IGLON5: variants seen among roughly 807,000 people sequenced by gnomAD.
The protein encoded by IGLON5 is Ig-like domain-containing protein ENSP00000270642.
Under a neutral mutation model 38.2 loss-of-function variants are expected in IGLON5, and 16 were observed. The observed-to-expected ratio is 0.42, with a 90% CI of 0.28 to 0.64. The LOEUF (loss-of-function observed/expected upper bound fraction) is 0.64. IGLON5 is among the 30% of genes least tolerant of loss of function. The pLI, the probability that IGLON5 is intolerant of heterozygous loss-of-function variation, is 0.23. For synonymous variants in IGLON5, 207 were observed against 216.4 expected (o/e 0.96, Z 0.38); for missense variants, 366 against 483.4 (o/e 0.76, Z 2.28).
At chr19:51,318,028 G>A (rs552745291) in intron 1 of IGLON5, among the ~76,000 whole-genome samples, 1 of 152,266 alleles carries the variant, frequency 6.6e-6, no homozygotes, top group South Asian at 2.1e-4. Flanking sequence ...ACCCTGGGGG[G>A]ACACAGCTAA....
Position 51,327,941 on chromosome 19 carries a change from T to TGGGCGGGGCCGGGGGCGGGGCC in IGLON5, c.922+55_922+56insGGGCGGGGCCGGGGGCGGGGCC. ...AGGTGGGCGGGGCCGGGGGCGGGGC[T>TGGGCGGGGCCGGGGGCGGGGCC]AGGGAAGTGGAGACGCCGGGACCGC... On this transcript the variant is annotated intron_variant, in intron 7 of 7. Coordinates refer to ENST00000270642, the MANE Select transcript of IGLON5 (RefSeq NM_001101372.3). The surrounding 1 kb of genome is among the most constrained non-coding windows in gnomAD (Gnocchi z 7.1). The TGGGCGGGGCCGGGGGCGGGGCC allele has an allele frequency of 6.9e-7, 1 of 1,441,804 alleles. No homozygotes were observed. Among genetic ancestry groups the TGGGCGGGGCCGGGGGCGGGGCC allele is most frequent in the African/African-American group, 1.5e-5 (1 of 68,166 alleles). 89.3% of individuals were successfully genotyped at this position (1,441,804 alleles called of 1,614,324 possible).
At chr19:51,311,955 G>C (rs1984775337) in intron 1 of IGLON5, 29 bp downstream of exon 1, 2 of 1,230,170 alleles carry the variant, frequency 1.6e-6, no homozygotes, top group African/African-American at 3.2e-5. Flanking sequence ...CGGGGGGCTC[G>C]GCCGGGACGC....
chr19:51,330,782 T>TA lies in IGLON5; in HGVS notation c.*2024dup, dbSNP rs1405085382. ...ACTGTGAAGGGCAGAGTGGAAACCT[T>TA]AGAGAAACTGAGTCCATGATTATAT... On this transcript the variant is annotated 3_prime_UTR_variant, in exon 8 of 8. Coordinates refer to ENST00000270642, the MANE Select transcript of IGLON5 (RefSeq NM_001101372.3). Among the ~76,000 whole-genome samples, 3 of 150,348 alleles carry TA rather than the reference T, an allele frequency of 2.0e-5. No homozygotes were observed. Among genetic ancestry groups the TA allele is most frequent in the African/African-American group, 5.0e-5 (2 of 39,984 alleles).
rs1325508011 is a variant in IGLON5 at position 51,327,742 on chromosome 19, G to A, written c.778G>A (p.Gly260Ser). Reference protein sequence around the residue: ...WYKDDRLLSSGTAEGLKVQTE... With the variant: ...WYKDDRLLSSSTAEGLKVQTE... ...CCGGATCCCTGGCAGGCTGAGCAGC[G>A]GCACGGCCGAAGGCCTGAAGGTGCA... The change falls in exon 7 of 8, where the codon GGC (glycine) becomes AGC (serine). Residue 260 changes from glycine (G) to serine (S), a missense_variant. Coordinates refer to ENST00000270642, the MANE Select transcript of IGLON5 (RefSeq NM_001101372.3). The surrounding 1 kb of genome is among the most constrained non-coding windows in gnomAD (Gnocchi z 7.1). 1 of 1,574,226 alleles carries A rather than the reference G, an allele frequency of 6.4e-7. No homozygotes were observed. The highest frequency in any genetic ancestry group is 8.6e-7 in the Non-Finnish European group (1 of 1,163,118).
rs1448985449 is a variant in IGLON5, at chr19:51,327,680, G to A, written c.768-52G>A. On this transcript the variant is annotated intron_variant, in intron 6 of 7. Coordinates refer to ENST00000270642, the MANE Select transcript of IGLON5 (RefSeq NM_001101372.3). This position sits in a 1 kb window ranked among gnomAD's most constrained non-coding sequence, Gnocchi z 7.1. ...GAACGGAGGAGCCTGAGAGTCGGGG[G>A]GCTGGCCTGGCTGGGCGCTGCGGCC... 3 of 1,538,348 alleles carry A rather than the reference G, an allele frequency of 2.0e-6. No individual in the cohort carries two copies. The highest frequency in any genetic ancestry group is 1.7e-6 in the Non-Finnish European group (2 of 1,147,984).
At position 51,312,617 on chromosome 19, in the gene IGLON5, G is replaced by T. The variant is rs1984795696; in HGVS notation, c.79+691G>T. ...GGAGATACAGGAAGTTGGGGTGCTG[G>T]GCTGGGGTCTTGGATTCCCAAGCTC... On this transcript the variant is annotated intron_variant, in intron 1 of 7. Coordinates refer to ENST00000270642, the MANE Select transcript of IGLON5 (RefSeq NM_001101372.3). 2.0e-5 allele frequency among the ~76,000 whole-genome samples: 3 copies of T among 152,140 alleles called. No individual in the cohort carries two copies. The South Asian group carries it at 6.2e-4, about 31-fold the overall frequency.
chr19:51,327,350 T>C lies in IGLON5; in HGVS notation c.767+150T>C, dbSNP rs1985243624. On this transcript the variant is annotated intron_variant, in intron 6 of 7. Transcript: ENST00000270642. This position sits in a 1 kb window ranked among gnomAD's most constrained non-coding sequence, Gnocchi z 7.1. ...CGTCCAGCTTCTAGGTGATGGGATC[T>C]GTCCAGCCCCGGAGACAAGCTTGGG... is the stretch of plus-strand genomic sequence containing the variant. The C allele has an allele frequency of 8.0e-6, 9 of 1,126,462 alleles. No individual in the cohort carries two copies. The highest frequency in any genetic ancestry group is 1.1e-5 in the Non-Finnish European group (9 of 808,044). 69.8% of individuals were successfully genotyped at this position (1,126,462 alleles called of 1,614,324 possible). A position where few individuals can be genotyped will look rare whatever the true frequency, so the allele number is the denominator to read the frequency against.
At chr19:51,317,568 C>G (rs534395932) in intron 1 of IGLON5, among the ~76,000 whole-genome samples, 5 of 152,138 alleles carry the variant, frequency 3.3e-5, no homozygotes, top group Admixed American at 6.5e-5. Flanking sequence ...TAGATGCTTA[C>G]CAGGGTGTCT....
At chr19:51,315,757 A>G (rs8113049) in intron 1 of IGLON5, among the ~76,000 whole-genome samples, 88,073 of 142,676 alleles carry the variant, frequency 0.62, 28,400 homozygotes, top group African/African-American at 0.84. Context: ...GTGCAGTGGC[A>G]CTATCTCAGC....
chr19:51,323,671 C>T lies in IGLON5; in HGVS notation c.168C>T (p.Ile56=), dbSNP rs370134017. 4.3e-5 allele frequency: 69 copies of T among 1,607,420 alleles called. No individual in the cohort carries two copies. Among genetic ancestry groups the T allele is most frequent in the Middle Eastern group, 1.7e-4 (1 of 6,044 alleles). Residue 56 remains isoleucine (I), a synonymous_variant, in exon 3 of 8, where the codon ATC becomes ATT. Coordinates refer to ENST00000270642, the MANE Select transcript of IGLON5 (RefSeq NM_001101372.3). ...CTCATTCTCCCTGCAGCTGCTTCATCGACGAGCACGTGACCCGCGTGGCCT... is the reference window on the plus strand; with the variant it reads ...CTCATTCTCCCTGCAGCTGCTTCATTGACGAGCACGTGACCCGCGTGGCCT... ...EGDNATLSCF[I]DEHVTRVAWL... is the part of the protein sequence containing the mutation.
At position 51,328,980 on chromosome 19, in the gene IGLON5, C is replaced by G. The variant is rs1015508552; in HGVS notation, c.*221C>G. 6.3e-6 allele frequency: 3 copies of G among 475,006 alleles called. No individual in the cohort carries two copies. The highest frequency in any genetic ancestry group is 6.1e-5 in the African/African-American group (3 of 49,434). The allele number at this position is 475,006 out of a possible 1,614,324, so 29.4% of individuals were successfully genotyped here. ...TTATGCATCTTTCTACAGCCATTCT[C>G]GCCACCCGTTCACGTTTCCGATTGT... On this transcript the variant is annotated 3_prime_UTR_variant, in exon 8 of 8. Transcript: ENST00000270642.
At chr19:51,315,062 T>C (rs928381482) in intron 1 of IGLON5, among the ~76,000 whole-genome samples, 4 of 152,238 alleles carry the variant, frequency 2.6e-5, no homozygotes, top group African/African-American at 7.2e-5. Flanking sequence ...CATACCTCCC[T>C]TACATCCATA....
At chr19:51,311,972 C>T (rs1279882022) in intron 1 of IGLON5, 46 bp downstream of exon 1, 23 of 1,073,036 alleles carry the variant, frequency 2.1e-5, no homozygotes, top group Non-Finnish European at 2.7e-5. Context: ...ACGCCAGGGT[C>T]TTGGGTGGGT....
Position 51,326,813 on chromosome 19 carries a change from G to A in IGLON5, c.561G>A (p.Arg187=). ...GEILEISDIQ[R]GQAGEYECVT... ...TCCTGGAGATCTCTGACATCCAGCG[G>A]GGCCAGGCCGGGGAGTATGAGTGCG... The change falls in exon 5 of 8, where the codon CGG becomes CGA. Residue 187 remains arginine (R), a synonymous_variant. Transcript: ENST00000270642. 6.4e-7 allele frequency: 1 copy of A among 1,551,226 alleles called. No individual in the cohort carries two copies. The highest frequency in any genetic ancestry group is 1.4e-5 in the African/African-American group (1 of 73,202).
In IGLON5 at chr19:51,311,889, C is replaced by T. The variant is rs770528911; in HGVS notation, c.42C>T (p.Ala14=). Residue 14 remains alanine, a synonymous_variant, in exon 1 of 8, where the codon GCC becomes GCT. Coordinates refer to ENST00000270642, the MANE Select transcript of IGLON5 (RefSeq NM_001101372.3). ...CCGGGGCCCGGCTCCGGCTTCTCGC[C>T]GCCGCCGCCCTGGCCGGCTTGGCCG... The part of the protein sequence containing the change: ...PAPGARLRLL[A]AAALAGLAVI... 7 of 1,361,894 alleles carry T rather than the reference C, an allele frequency of 5.1e-6. No homozygotes were observed. The highest frequency in any genetic ancestry group is 2.7e-4 in the Middle Eastern group (1 of 3,658). The allele number at this position is 1,361,894 out of a possible 1,614,324, so 84.4% of individuals were successfully genotyped here. A position where few individuals can be genotyped will look rare whatever the true frequency, so the allele number is the denominator to read the frequency against.
In IGLON5 at chr19:51,327,252, C is replaced by T; in HGVS notation, c.767+52C>T. 1 of 1,576,244 alleles carries T rather than the reference C, an allele frequency of 6.3e-7. No individual in the cohort carries two copies. ...GGAGCGGGAAGGGGAGGTCTTTAGTCCCTTCGATTGTGAGGCAGGGGGACG... is the reference window on the plus strand; with the variant it reads ...GGAGCGGGAAGGGGAGGTCTTTAGTTCCTTCGATTGTGAGGCAGGGGGACG... On this transcript the variant is annotated intron_variant, in intron 6 of 7. Coordinates refer to ENST00000270642, the MANE Select transcript of IGLON5 (RefSeq NM_001101372.3). The surrounding 1 kb of genome is among the most constrained non-coding windows in gnomAD (Gnocchi z 7.1).
chr19:51,328,505 G>GAAA (rs61422289), intron 7 of IGLON5, among the ~76,000 whole-genome samples, 166 bp from the exon 8 acceptor site: 1 of 111,152 alleles, frequency 9.0e-6, no homozygotes. Flanking sequence ...CTCAAAAAAA[G>GAAA]AAAAAAAAAA....
intron 1 of IGLON5, among the ~76,000 whole-genome samples, chr19:51,315,428 C>G (rs968860199): frequency 6.6e-6 from 1 of 152,182 alleles, no homozygotes; most frequent in Non-Finnish European, 1.5e-5. Context: ...GGCCGCTATT[C>G]TAGACACTGG....
intron 1 of IGLON5, among the ~76,000 whole-genome samples, chr19:51,317,190 G>A (rs1025963571): frequency 1.3e-5 from 2 of 152,136 alleles, no homozygotes; most frequent in Admixed American, 6.5e-5. Context: ...AGGCCTGTGC[G>A]TCTGGACTGT....
Sources: allele counts gnomAD v4.1 joint callset (sites outside exome capture counted in the v4.1 genomes callset), GRCh38; gene constraint gnomAD v4.1.1; non-coding constraint Gnocchi (gnomAD v3.1); transcripts MANE v1.5; gene names NCBI Gene and HGNC (gene_info 2026-07-23, HGNC 2026-07-21).